The following CERS6 variants were observed in gnomAD, a reference collection of about 807,000 sequenced individuals.
CERS6 encodes LAG1 homolog, ceramide synthase 6.
CERS6 carries 26 observed loss-of-function variants against 56.8 expected under a neutral mutation model. The observed-to-expected ratio is 0.46, with a 90% CI of 0.34 to 0.63. The LOEUF is 0.63. CERS6 is among the 30% of genes least tolerant of loss of function. The pLI is 0.01. For synonymous variants in CERS6, 164 were observed against 173.3 expected, an observed-to-expected ratio of 0.95 and a Z score of 0.42; for missense variants, 415 against 467.5, an observed-to-expected ratio of 0.89 and a Z score of 1.04.
chr2:168,506,097 G>A (rs1266289305), intron 1 of CERS6, among the ~76,000 whole-genome samples: 1 of 152,168 alleles, frequency 6.6e-6, no homozygotes, highest in Admixed American at 6.5e-5. Context: ...AGATATGGAT[G>A]CCAATTCATG....
In CERS6 at chr2:168,561,325, A is replaced by G. The variant is rs1218024742; in HGVS notation, c.407+3A>G. On this transcript the variant is annotated splice_donor_region_variant and intron_variant, in intron 3 of 9. Transcript: ENST00000305747. Reference sequence around the variant, plus strand: ...CTGACGAGGTTCTGTGAGAGCATGTAAGTTGCTGTTTTTCTTTTTGAAAGA... The same window carrying G: ...CTGACGAGGTTCTGTGAGAGCATGTGAGTTGCTGTTTTTCTTTTTGAAAGA... 1 of 1,614,054 alleles carries G rather than the reference A, an allele frequency of 6.2e-7. No individual in the cohort carries two copies. The highest frequency in any genetic ancestry group is 1.3e-5 in the African/African-American group (1 of 75,034).
chr2:168,721,560 TTTTTTG>T (rs1359564193), intron 8 of CERS6, among the ~76,000 whole-genome samples: 3,312 of 33,534 alleles, frequency 0.099, 65 homozygotes, highest in Middle Eastern at 0.19. Context: ...TTTTGTTTTT[TTTTTTG>T]TTTAAAAAAA....
intron 1 of CERS6, among the ~76,000 whole-genome samples, chr2:168,469,855 G>A (rs144903077): frequency 0.011 from 1,607 of 152,220 alleles, 17 homozygotes; most frequent in Non-Finnish European, 0.016. Context: ...TACTGGCAGA[G>A]ATAAAAATAC....
chr2:168,645,800 C>G (rs1685184739), intron 4 of CERS6, among the ~76,000 whole-genome samples: 1 of 152,144 alleles, frequency 6.6e-6, no homozygotes, highest in Non-Finnish European at 1.5e-5. Flanking sequence ...ATTTGGTTTT[C>G]TGTTTCTGTG....
chr2:168,768,970 CA>C, intron 9 of CERS6, among the ~76,000 whole-genome samples: 3 of 144,300 alleles, frequency 2.1e-5, no homozygotes, highest in Middle Eastern at 7.4e-3. Flanking sequence ...GTGTGACATA[CA>C]GAACAAAATT....
chr2:168,725,222 G>T (rs530547443), intron 8 of CERS6, among the ~76,000 whole-genome samples: 10 of 152,260 alleles, frequency 6.6e-5, no homozygotes, highest in Non-Finnish European at 7.3e-5. Flanking sequence ...ACGCCCACCC[G>T]GAACTCCAGC....
At chr2:168,766,347 T>C in intron 9 of CERS6, 1 of 1,597,966 alleles carries the variant, frequency 6.3e-7, no homozygotes, top group Non-Finnish European at 8.5e-7. Flanking sequence ...CCTTTACATG[T>C]AAGTTTCTCC....
chr2:168,683,608 A>G (rs557876591), intron 4 of CERS6, among the ~76,000 whole-genome samples: 1 of 152,110 alleles, frequency 6.6e-6, no homozygotes, highest in Non-Finnish European at 1.5e-5. Flanking sequence ...TGACATTCTC[A>G]CCGTTTCCCT....
chr2:168,578,500 T>C (rs1683331905), intron 3 of CERS6, among the ~76,000 whole-genome samples: 1 of 152,150 alleles, frequency 6.6e-6, no homozygotes, highest in Non-Finnish European at 1.5e-5. Flanking sequence ...TTCTCTTGAG[T>C]TTTAGATGAT....
chr2:168,713,026 T>C (rs140153683), intron 6 of CERS6, among the ~76,000 whole-genome samples: 1 of 152,148 alleles, frequency 6.6e-6, no homozygotes, highest in Non-Finnish European at 1.5e-5. Flanking sequence ...CATTTACTTA[T>C]ATTTTTTGTC....
chr2:168,612,889 C>T (rs1344712557), intron 3 of CERS6, among the ~76,000 whole-genome samples: 6 of 152,166 alleles, frequency 3.9e-5, no homozygotes, highest in Non-Finnish European at 1.5e-5. Flanking sequence ...ATAGTCTGGA[C>T]TTTGTGACTG....
intron 1 of CERS6, among the ~76,000 whole-genome samples, chr2:168,470,009 C>T (rs887480495): frequency 2.6e-5 from 4 of 152,010 alleles, no homozygotes; most frequent in African/African-American, 9.7e-5. Flanking sequence ...ACCATTTCAT[C>T]CTGATTTGAG....
chr2:168,766,313 C>T (rs997831330), intron 9 of CERS6: 1 of 1,597,702 alleles, frequency 6.3e-7, no homozygotes, highest in Non-Finnish European at 8.5e-7. Context: ...CCTTCTGCTA[C>T]CCTGGAAGGC....
intron 8 of CERS6, among the ~76,000 whole-genome samples, chr2:168,735,880 CAAAAAAAAAA>C (rs145418479): frequency 9.4e-6 from 1 of 106,588 alleles, no homozygotes. Context: ...GACCCTGTCT[CAAAAAAAAAA>C]AAAAAAAAGA....
At chr2:168,552,305 A>G (rs1695586871) in intron 2 of CERS6, among the ~76,000 whole-genome samples, 1 of 151,676 alleles carries the variant, frequency 6.6e-6, no homozygotes, top group Non-Finnish European at 1.5e-5. Context: ...ACGGAGAATA[A>G]TAAGGAAAGA....
chr2:168,585,949 G>A (rs1275004749), intron 3 of CERS6, among the ~76,000 whole-genome samples: 8 of 152,118 alleles, frequency 5.3e-5, no homozygotes, highest in Non-Finnish European at 7.4e-5. Context: ...TGCAATATAC[G>A]TTATCTTGAG....
chr2:168,460,279 C>G (rs187257039), intron 1 of CERS6, among the ~76,000 whole-genome samples: 77 of 152,072 alleles, frequency 5.1e-4, no homozygotes, highest in African/African-American at 1.0e-3. Context: ...ACTGCAACCT[C>G]CACCTCCTGG....
At chr2:168,688,679 T>C (rs1012433204) in intron 4 of CERS6, among the ~76,000 whole-genome samples, 1 of 152,152 alleles carries the variant, frequency 6.6e-6, no homozygotes, top group African/African-American at 2.4e-5. Context: ...TGAACATGCA[T>C]TCTGTATGAA....
At chr2:168,588,040 C>T (rs1315672791) in intron 3 of CERS6, among the ~76,000 whole-genome samples, 2 of 151,400 alleles carry the variant, frequency 1.3e-5, no homozygotes, top group Admixed American at 6.6e-5. Flanking sequence ...ATCCTCCGGC[C>T]TCAGCTCAGA....
Sources: allele counts gnomAD v4.1 joint callset (sites outside exome capture counted in the v4.1 genomes callset), GRCh38; gene constraint gnomAD v4.1.1; transcripts MANE v1.5; gene names NCBI Gene and HGNC (gene_info 2026-07-23, HGNC 2026-07-21).